The following NALF1 variants were observed in gnomAD, a reference collection of about 807,000 sequenced individuals.
NALF1 encodes the protein family with sequence similarity 155 member A.
In NALF1, 3 loss-of-function variants were observed where a neutral mutation model predicts 48.4. The observed-to-expected ratio is 0.06, with a 90% CI of 0.03 to 0.16. The LOEUF is 0.16. Ranked by LOEUF, NALF1 falls within the 10% of genes least tolerant of loss-of-function variation. NALF1 has a pLI of 1.00. For synonymous variants in NALF1, 262 were observed against 245.7 expected (o/e 1.07, Z -0.62); for missense variants, 526 against 571.5 (o/e 0.92, Z 0.81).
intron 1 of NALF1, among the ~76,000 whole-genome samples, chr13:107,446,025 G>A (rs375447548): frequency 1.1e-3 from 167 of 152,086 alleles, no homozygotes; most frequent in African/African-American, 3.9e-3. Context: ...TGCAACCTCC[G>A]CTTCCCGGGT....
chr13:107,287,470 T>A (rs1881517556), intron 1 of NALF1, among the ~76,000 whole-genome samples: 1 of 152,152 alleles, frequency 6.6e-6, no homozygotes, highest in Non-Finnish European at 1.5e-5. Flanking sequence ...TTTATTTTCT[T>A]AGGGCTTCTC....
chr13:107,255,555 C>T (rs984398123), intron 1 of NALF1, among the ~76,000 whole-genome samples: 1 of 149,400 alleles, frequency 6.7e-6, no homozygotes, highest in African/African-American at 2.5e-5. Context: ...ATAATCAATC[C>T]GTTTTATAGA....
At chr13:107,649,882 C>G (rs528754295) in intron 1 of NALF1, among the ~76,000 whole-genome samples, 62 of 152,260 alleles carry the variant, frequency 4.1e-4, no homozygotes, top group African/African-American at 1.4e-3. Flanking sequence ...GATTCAAATA[C>G]AGGTTAGGCC....
At chr13:107,286,601 A>AAAG (rs1555330476) in intron 1 of NALF1, among the ~76,000 whole-genome samples, 3,760 of 147,042 alleles carry the variant, frequency 0.026, 49 homozygotes, top group Middle Eastern at 0.036. Flanking sequence ...AAAAAAAAAA[A>AAAG]AAAGAAAGAA....
chr13:107,830,678 T>C (rs1227873368), intron 1 of NALF1, among the ~76,000 whole-genome samples: 2 of 152,148 alleles, frequency 1.3e-5, no homozygotes, highest in East Asian at 3.8e-4. Context: ...ATCCCTCCTC[T>C]TTTTCCCTCC....
intron 1 of NALF1, among the ~76,000 whole-genome samples, chr13:107,447,663 T>C (rs1884672651): frequency 6.6e-6 from 1 of 152,116 alleles, no homozygotes; most frequent in African/African-American, 2.4e-5. Flanking sequence ...TAGAAGGAAG[T>C]GGCAATGGAT....
chr13:107,823,607 T>C (rs896832526), intron 1 of NALF1, among the ~76,000 whole-genome samples: 1 of 91,432 alleles, frequency 1.1e-5, no homozygotes, highest in Non-Finnish European at 1.9e-5. Context: ...CCAGAAGGCC[T>C]TGGTACTCTC....
Position 107,168,294 on chromosome 13 carries a change from C to G in NALF1, c.*2203G>C, listed in dbSNP as rs181334581. 1.3e-5 allele frequency: 2 copies of G among 152,284 alleles called. No individual in the cohort carries two copies. The highest frequency in any genetic ancestry group is 4.8e-5 in the African/African-American group (2 of 41,544). 9.4% of individuals were successfully genotyped at this position (152,284 alleles called of 1,614,324 possible). A position where few individuals can be genotyped will look rare whatever the true frequency, so the allele number is the denominator to read the frequency against. On this transcript the variant is annotated 3_prime_UTR_variant, in exon 3 of 3. Coordinates refer to ENST00000375915, the MANE Select transcript of NALF1 (RefSeq NM_001080396.3). The stretch of plus-strand genomic sequence containing the variant: ...CCCCAGCGCCATTGAAATCTGTATT[C>G]CACCATTGGTTGGGATACCAAAGTG...
intron 1 of NALF1, among the ~76,000 whole-genome samples, chr13:107,607,111 A>T (rs1879095301): frequency 6.6e-6 from 1 of 152,196 alleles, no homozygotes; most frequent in African/African-American, 2.4e-5. Flanking sequence ...AATCTAACAG[A>T]TTTCAGTCAT....
At chr13:107,384,564 A>G (rs1486839444) in intron 1 of NALF1, among the ~76,000 whole-genome samples, 1 of 152,146 alleles carries the variant, frequency 6.6e-6, no homozygotes, top group East Asian at 1.9e-4. Flanking sequence ...AAATAAAATC[A>G]TATTTCTTAT....
At chr13:107,727,687 A>G (rs969657260) in intron 1 of NALF1, among the ~76,000 whole-genome samples, 1 of 152,226 alleles carries the variant, frequency 6.6e-6, no homozygotes, top group Admixed American at 6.5e-5. Context: ...ATGAAATCTA[A>G]TAAAACTGAA....
intron 1 of NALF1, among the ~76,000 whole-genome samples, chr13:107,448,509 T>C (rs1200356489): frequency 6.6e-6 from 1 of 152,178 alleles, no homozygotes; most frequent in Admixed American, 6.5e-5. Context: ...ATTTATATAA[T>C]ATTTACATGG....
In NALF1 at chr13:107,362,282, C is replaced by T. The variant is rs1024485550; in HGVS notation, c.916-151527G>A. On this transcript the variant is annotated intron_variant, in intron 1 of 2. Transcript: ENST00000375915. The surrounding 1 kb of genome is among the most constrained non-coding windows in gnomAD (Gnocchi z 4.6). ...AGTTGTATTCATTTTCTAGGGCGTGCTGTAACAAACTATGATCAACTGAGT... is the reference window on the plus strand; with the variant it reads ...AGTTGTATTCATTTTCTAGGGCGTGTTGTAACAAACTATGATCAACTGAGT... Among the ~76,000 whole-genome samples, 2 of 152,110 alleles carry T rather than the reference C, an allele frequency of 1.3e-5. No individual in the cohort carries two copies. Among genetic ancestry groups the T allele is most frequent in the African/African-American group, 4.8e-5 (2 of 41,426 alleles).
chr13:107,164,041 T>A lies in NALF1; in HGVS notation c.*6456A>T, dbSNP rs1339567628. The A allele has an allele frequency of 6.6e-6, 1 of 152,214 alleles. No homozygotes were observed. Among genetic ancestry groups the A allele is most frequent in the Non-Finnish European group, 1.5e-5 (1 of 68,040 alleles). 9.4% of individuals were successfully genotyped at this position (152,214 alleles called of 1,614,324 possible). A position where few individuals can be genotyped will look rare whatever the true frequency, so the allele number is the denominator to read the frequency against. ...CCATAAGTTGAAATTTGCGTTTCGG[T>A]AAAAATGACCTTCTACTTGGCTAGC... On this transcript the variant is annotated 3_prime_UTR_variant, in exon 3 of 3. Coordinates refer to ENST00000375915, the MANE Select transcript of NALF1 (RefSeq NM_001080396.3).
chr13:107,460,508 G>T (rs763634871), intron 1 of NALF1, among the ~76,000 whole-genome samples: 1 of 152,200 alleles, frequency 6.6e-6, no homozygotes, highest in South Asian at 2.1e-4. Flanking sequence ...TTCTATAAAA[G>T]ATGTTCCTGG....
At position 107,395,249 on chromosome 13, in the gene NALF1, T is replaced by C. The variant is rs990250782; in HGVS notation, c.916-184494A>G. Among the ~76,000 whole-genome samples the C allele has an allele frequency of 5.9e-5, 9 of 152,144 alleles. No homozygotes were observed. The South Asian group carries it at 1.2e-3, about 21-fold the overall frequency. ...CATCTTATTGATCACACTAAATGAA[T>C]TGATTACATTCATTACACTTATACC... is the stretch of plus-strand genomic sequence containing the variant. On this transcript the variant is annotated intron_variant, in intron 1 of 2. Coordinates refer to ENST00000375915, the MANE Select transcript of NALF1 (RefSeq NM_001080396.3).
chr13:107,310,820 G>A (rs182540325), intron 1 of NALF1, among the ~76,000 whole-genome samples: 62 of 151,978 alleles, frequency 4.1e-4, no homozygotes, highest in African/African-American at 6.5e-4. Flanking sequence ...TGGGACTACC[G>A]GCACCCACCA....
intron 1 of NALF1, among the ~76,000 whole-genome samples, chr13:107,518,021 C>T (rs1159103917): frequency 1.3e-5 from 2 of 152,072 alleles, no homozygotes; most frequent in African/African-American, 2.4e-5. Context: ...ATAACCTAGA[C>T]AAAAACAACC....
intron 2 of NALF1, among the ~76,000 whole-genome samples, chr13:107,187,061 C>T (rs1434021788): frequency 6.6e-6 from 1 of 152,182 alleles, no homozygotes; most frequent in African/African-American, 2.4e-5. Context: ...GGGCTGAGTG[C>T]TTCTCATGCT....
Sources: allele counts gnomAD v4.1 joint callset (sites outside exome capture counted in the v4.1 genomes callset), GRCh38; gene constraint gnomAD v4.1.1; non-coding constraint Gnocchi (gnomAD v3.1); transcripts MANE v1.5; gene names NCBI Gene and HGNC (gene_info 2026-07-23, HGNC 2026-07-21).